The following FAM3C variants were observed in gnomAD, a reference collection of about 807,000 sequenced individuals.
FAM3C encodes the protein protein FAM3C.
FAM3C carries 15 observed loss-of-function variants against 32.5 expected under a neutral mutation model. The observed-to-expected ratio is 0.46, with a 90% CI of 0.31 to 0.71. The LOEUF (loss-of-function observed/expected upper bound fraction) is 0.71, where lower values mean the gene tolerates loss of function less well. Ranked by LOEUF, FAM3C falls within the 30% of genes least tolerant of loss-of-function variation. FAM3C has a pLI of 0.05. For synonymous variants in FAM3C, 75 were observed against 86.1 expected (o/e 0.87, Z 0.72); for missense variants, 175 against 274.4 (o/e 0.64, Z 2.56).
intron 3 of FAM3C, among the ~76,000 whole-genome samples, chr7:121,377,072 G>C (rs1229427413): frequency 6.6e-6 from 1 of 152,056 alleles, no homozygotes; most frequent in Non-Finnish European, 1.5e-5. Context: ...GACCTAGTGG[G>C]AAGTAATTGA....
chr7:121,386,417 A>G (rs1794464932), intron 1 of FAM3C, among the ~76,000 whole-genome samples: 2 of 152,042 alleles, frequency 1.3e-5, no homozygotes, highest in Non-Finnish European at 2.9e-5. Context: ...TTCTTTGCCT[A>G]TCTTTAAACT....
At chr7:121,370,155 T>C (rs1990446) in intron 5 of FAM3C, among the ~76,000 whole-genome samples, 38,894 of 152,140 alleles carry the variant, frequency 0.26, 5,963 homozygotes, top group African/African-American at 0.44. Context: ...TGCCTTATTA[T>C]GCATCAGTAA....
At chr7:121,390,587 C>T (rs773373738) in intron 1 of FAM3C, among the ~76,000 whole-genome samples, 7 of 152,142 alleles carry the variant, frequency 4.6e-5, no homozygotes, top group East Asian at 3.9e-4. Flanking sequence ...CCATCTGTGG[C>T]GTCATAGATT....
In FAM3C at chr7:121,379,939, T is replaced by C. The variant is rs1584704317; in HGVS notation, c.14-925A>G. Among the ~76,000 whole-genome samples, 3 of 152,334 alleles carry C rather than the reference T, an allele frequency of 2.0e-5. No individual in the cohort carries two copies. In the East Asian group the frequency reaches 5.8e-4, roughly 29 times the overall value. ...TAATACTAATCAATCCCTGCCTCCC[T>C]TTTCCATTTCCTACCTTGTCCCCTC... On this transcript the variant is annotated intron_variant, in intron 2 of 9. Coordinates refer to ENST00000359943, the MANE Select transcript of FAM3C (RefSeq NM_014888.3).
chr7:121,390,736 G>T (rs906799909), intron 1 of FAM3C, among the ~76,000 whole-genome samples: 1 of 151,150 alleles, frequency 6.6e-6, no homozygotes, highest in Admixed American at 6.6e-5. Context: ...CCTAGGAGTG[G>T]GATTAAAGCT....
At chr7:121,359,647 C>T (rs1031196660) in intron 8 of FAM3C, among the ~76,000 whole-genome samples, 6 of 151,820 alleles carry the variant, frequency 4.0e-5, no homozygotes, top group South Asian at 2.1e-4. Flanking sequence ...TATAGCACAC[C>T]TGTATCTTTG....
At chr7:121,385,289 AT>A (rs1370527653) in intron 1 of FAM3C, among the ~76,000 whole-genome samples, 2 of 152,198 alleles carry the variant, frequency 1.3e-5, no homozygotes, top group Non-Finnish European at 2.9e-5. Flanking sequence ...AACTTAGTAC[AT>A]TTATACATTT....
intron 1 of FAM3C, 88 bp from the exon 2 acceptor site, chr7:121,383,098 A>C: frequency 3.1e-6 from 2 of 654,132 alleles, no homozygotes. Context: ...CATATAAACT[A>C]GTAAATTTTA....
intron 5 of FAM3C, among the ~76,000 whole-genome samples, chr7:121,368,210 T>C (rs1794062694): frequency 6.6e-6 from 1 of 152,202 alleles, no homozygotes; most frequent in Non-Finnish European, 1.5e-5. Context: ...TGATAATTCT[T>C]GTGGATGAGC....
intron 2 of FAM3C, 30 bp downstream of exon 2, chr7:121,382,927 C>G (rs1010291994): frequency 6.4e-7 from 1 of 1,551,632 alleles, no homozygotes; most frequent in Non-Finnish European, 8.8e-7. Flanking sequence ...ACAAAAAGTA[C>G]AATTACTTCT....
chr7:121,391,384 A>C (rs1794575418), intron 1 of FAM3C, among the ~76,000 whole-genome samples: 1 of 152,232 alleles, frequency 6.6e-6, no homozygotes, highest in African/African-American at 2.4e-5. Flanking sequence ...AAACAATGAC[A>C]ACAATAAAAT....
chr7:121,385,311 G>A (rs942436074), intron 1 of FAM3C, among the ~76,000 whole-genome samples: 1 of 152,118 alleles, frequency 6.6e-6, no homozygotes, highest in Non-Finnish European at 1.5e-5. Flanking sequence ...GCTCCAAAAA[G>A]TGTTACATAG....
chr7:121,356,039 G>GA lies in FAM3C; in HGVS notation c.467+4003dup, dbSNP rs11347177. ...AAAGACCTGATTTGACAGTGGTTTAGAAAAAAAAAAAAAGGCCTGAGATCA... is the reference window on the plus strand; with the variant it reads ...AAAGACCTGATTTGACAGTGGTTTAGAAAAAAAAAAAAAAGGCCTGAGATCA... On this transcript the variant is annotated intron_variant, in intron 8 of 9. Coordinates refer to ENST00000359943, the MANE Select transcript of FAM3C (RefSeq NM_014888.3). Among the ~76,000 whole-genome samples, 113 of 133,066 alleles carry GA rather than the reference G, an allele frequency of 8.5e-4. 2 individuals carry two copies. Among genetic ancestry groups the GA allele is most frequent in the South Asian group, 6.1e-3 (26 of 4,238 alleles). The allele number at this position is 133,066 out of a possible 152,430, so 87.3% of individuals were successfully genotyped here. A position where few individuals can be genotyped will look rare whatever the true frequency, so the allele number is the denominator to read the frequency against.
intron 1 of FAM3C, among the ~76,000 whole-genome samples, chr7:121,390,849 GGGGC>G (rs1367721714): frequency 2.0e-4 from 6 of 30,124 alleles, no homozygotes; most frequent in African/African-American, 4.1e-4. Flanking sequence ...AAGGCTGTGT[GGGGC>G]GGGGGGGGGG....
intron 1 of FAM3C, among the ~76,000 whole-genome samples, chr7:121,392,451 C>G (rs572707820): frequency 2.0e-5 from 3 of 152,100 alleles, no homozygotes; most frequent in African/African-American, 4.8e-5. Flanking sequence ...CTCACTGTCA[C>G]GAGAACAACA....
chr7:121,364,501 C>T (rs1373695317), intron 5 of FAM3C: 1 of 241,562 alleles, frequency 4.1e-6, no homozygotes, highest in East Asian at 9.9e-5. Context: ...AGCATATGTT[C>T]TGCATCATTC....
intron 3 of FAM3C, among the ~76,000 whole-genome samples, chr7:121,377,981 T>C (rs561861621): frequency 6.6e-6 from 1 of 152,352 alleles, no homozygotes; most frequent in South Asian, 2.1e-4. Flanking sequence ...TGTGATCTTA[T>C]ATAGCGCCTT....
In FAM3C at chr7:121,349,633, A is replaced by G. The variant is rs1793657459; in HGVS notation, c.*828T>C. 1 of 152,608 alleles carries G rather than the reference A, an allele frequency of 6.6e-6. No individual in the cohort carries two copies. Among genetic ancestry groups the G allele is most frequent in the Admixed American group, 6.5e-5 (1 of 15,308 alleles). 9.5% of individuals were successfully genotyped at this position (152,608 alleles called of 1,614,324 possible). A position where few individuals can be genotyped will look rare whatever the true frequency, so the allele number is the denominator to read the frequency against. The stretch of plus-strand genomic sequence containing the variant: ...ACTTGGTCAATGCTGATAACAATTA[A>G]GAAAAACGTATGCTAGTATTGCTCT... On this transcript the variant is annotated 3_prime_UTR_variant, in exon 10 of 10. Coordinates refer to ENST00000359943, the MANE Select transcript of FAM3C (RefSeq NM_014888.3).
intron 3 of FAM3C, among the ~76,000 whole-genome samples, chr7:121,377,068 G>A (rs1359063645): frequency 6.6e-6 from 1 of 152,100 alleles, no homozygotes; most frequent in Non-Finnish European, 1.5e-5. Flanking sequence ...GAGGGACCTA[G>A]TGGGAAGTAA....
Sources: gnomAD v4.1 joint callset for allele counts (sites outside exome capture counted in the v4.1 genomes callset) on GRCh38, gnomAD v4.1.1 for gene constraint, MANE v1.5 for transcripts, NCBI Gene and HGNC (gene_info 2026-07-23, HGNC 2026-07-21) for gene names.